The following NEDD4L variants were observed in gnomAD, a reference collection of about 807,000 sequenced individuals.
NEDD4L encodes E3 ubiquitin-protein ligase NEDD4-like.
NEDD4L carries 54 observed loss-of-function variants against 148.9 expected under a neutral mutation model. The observed-to-expected ratio is 0.36, with a 90% CI of 0.29 to 0.45. The LOEUF (loss-of-function observed/expected upper bound fraction) is 0.45. Ranked by LOEUF, NEDD4L falls within the 20% of genes least tolerant of loss-of-function variation. The pLI, the probability that NEDD4L is intolerant of heterozygous loss-of-function variation, is 1.00. For missense variants in NEDD4L, 856 were observed against 1,233.8 expected (o/e 0.69, Z 4.59); for synonymous variants, 433 against 440.7 (o/e 0.98, Z 0.22).
rs571268309 is a variant in NEDD4L at position 58,343,839 on chromosome 18, G to C, written c.1575+736G>C. Among the ~76,000 whole-genome samples the C allele has an allele frequency of 2.6e-4, 40 of 152,128 alleles. 1 individual carries two copies. The highest frequency in any genetic ancestry group is 2.6e-3 in the Admixed American group (40 of 15,276). On this transcript the variant is annotated intron_variant, in intron 16 of 30. Transcript: ENST00000400345. ...TAGCCGAATCGGTGGCTTTTTCAGT[G>C]TAGTATATGATTCTTTTAAAAGTCA...
intron 6 of NEDD4L, among the ~76,000 whole-genome samples, chr18:58,321,580 T>C (rs2058776488): frequency 6.6e-6 from 1 of 152,214 alleles, no homozygotes; most frequent in Non-Finnish European, 1.5e-5. Context: ...AAGCAGAGAA[T>C]GACATAAACA....
At chr18:58,318,116 A>G (rs7228829) in intron 6 of NEDD4L, among the ~76,000 whole-genome samples, 29,776 of 152,124 alleles carry the variant, frequency 0.2, 3,084 homozygotes, top group African/African-American at 0.21. Context: ...GCACACAGGT[A>G]TGAGTGTGGA....
Position 58,064,647 on chromosome 18 carries a change from G to A in NEDD4L, c.48+19939G>A, listed in dbSNP as rs537287708. Among the ~76,000 whole-genome samples, 175 of 152,300 alleles carry A rather than the reference G, an allele frequency of 1.1e-3. 1 individual carries two copies. The highest frequency in any genetic ancestry group is 2.1e-3 in the Non-Finnish European group (141 of 68,020). ...CTGGAGACACAGCAGAACTACTGTT[G>A]TCATCTTGATCCTGAATACAAGGGC... On this transcript the variant is annotated intron_variant, in intron 1 of 30. Coordinates refer to ENST00000400345, the MANE Select transcript of NEDD4L (RefSeq NM_001144967.3).
chr18:58,398,407 C>G lies in NEDD4L; in HGVS notation c.*2138C>G, dbSNP rs1282061893. On this transcript the variant is annotated 3_prime_UTR_variant, in exon 31 of 31. Transcript: ENST00000400345. ...TGTAGAGGGAGAAATCCAATTCTAA[C>G]CTAAGAACTGGGATTCTTCTGTCAT... The G allele has an allele frequency of 6.6e-6, 1 of 151,780 alleles. No individual in the cohort carries two copies. Among genetic ancestry groups the G allele is most frequent in the Non-Finnish European group, 1.5e-5 (1 of 67,966 alleles). 9.4% of individuals were successfully genotyped at this position (151,780 alleles called of 1,614,324 possible).
At chr18:58,092,818 CAAA>C (rs56749032) in intron 1 of NEDD4L, among the ~76,000 whole-genome samples, 3 of 112,626 alleles carry the variant, frequency 2.7e-5, no homozygotes, top group African/African-American at 3.0e-5. Flanking sequence ...TCCCTGGTAC[CAAA>C]AAAAAAAAAA....
At chr18:58,259,509 C>A (rs955074737) in intron 5 of NEDD4L, among the ~76,000 whole-genome samples, 10 of 152,128 alleles carry the variant, frequency 6.6e-5, no homozygotes, top group African/African-American at 2.4e-4. Flanking sequence ...CACCATTTAC[C>A]AGCATTTGTG....
At chr18:58,369,368 A>T (rs942352811) in intron 22 of NEDD4L, among the ~76,000 whole-genome samples, 11 of 152,320 alleles carry the variant, frequency 7.2e-5, no homozygotes, top group Middle Eastern at 3.4e-3. Context: ...GGAATTGCAC[A>T]TTTAAGAGTC....
chr18:58,244,701 G>T (rs1032411098), intron 2 of NEDD4L, among the ~76,000 whole-genome samples: 3 of 151,576 alleles, frequency 2.0e-5, no homozygotes, highest in Admixed American at 6.6e-5. Flanking sequence ...CTTTTTTTTG[G>T]GGGGAGGGTG....
intron 1 of NEDD4L, among the ~76,000 whole-genome samples, chr18:58,162,700 G>A (rs967343830): frequency 6.6e-6 from 1 of 151,494 alleles, no homozygotes; most frequent in Non-Finnish European, 1.5e-5. Context: ...CACGTGATGG[G>A]TACTCAGTAA....
At chr18:58,367,720 GCTTTT>G (rs762366469) in intron 21 of NEDD4L, 21 bp from the exon 22 acceptor site, 18 of 1,612,228 alleles carry the variant, frequency 1.1e-5, no homozygotes, top group Non-Finnish European at 1.4e-5. Context: ...GTGTGATTGG[GCTTTT>G]CTTCTCTTTC....
intron 5 of NEDD4L, among the ~76,000 whole-genome samples, chr18:58,280,143 A>G (rs961393965): frequency 1.3e-5 from 2 of 152,138 alleles, no homozygotes; most frequent in African/African-American, 4.8e-5. Context: ...CCTGGGCTCA[A>G]GTGATCCTTC....
chr18:58,370,901 A>T (rs1283010680), intron 23 of NEDD4L, among the ~76,000 whole-genome samples: 1 of 152,254 alleles, frequency 6.6e-6, no homozygotes, highest in African/African-American at 2.4e-5. Flanking sequence ...CAGACGTCCT[A>T]GACATGGATG....
At chr18:58,278,275 G>A (rs2052463247) in intron 5 of NEDD4L, among the ~76,000 whole-genome samples, 1 of 152,146 alleles carries the variant, frequency 6.6e-6, no homozygotes, top group African/African-American at 2.4e-5. Flanking sequence ...CTTCAGCATG[G>A]CCAGCGCTAT....
chr18:58,211,123 A>AAC (rs2042564735), intron 2 of NEDD4L, among the ~76,000 whole-genome samples: 1 of 152,148 alleles, frequency 6.6e-6, no homozygotes, highest in African/African-American at 2.4e-5. Flanking sequence ...TGTGTACACA[A>AAC]ACACACACAC....
chr18:58,257,339 C>T (rs1411611169), intron 5 of NEDD4L, among the ~76,000 whole-genome samples: 1 of 151,970 alleles, frequency 6.6e-6, no homozygotes, highest in Non-Finnish European at 1.5e-5. Context: ...ATATAATTTG[C>T]TTTGTTTTTT....
intron 5 of NEDD4L, among the ~76,000 whole-genome samples, chr18:58,291,894 C>A (rs1439358685): frequency 6.6e-6 from 1 of 152,160 alleles, no homozygotes; most frequent in East Asian, 1.9e-4. Flanking sequence ...CACCCCCTTC[C>A]CAAACATTTA....
chr18:58,295,076 G>C (rs927026467), intron 5 of NEDD4L, among the ~76,000 whole-genome samples: 7 of 152,084 alleles, frequency 4.6e-5, no homozygotes, highest in Non-Finnish European at 1.5e-5. Flanking sequence ...CCACCAGAGT[G>C]GTATGTTTGT....
Position 58,396,200 on chromosome 18 carries a change from C to T in NEDD4L, c.2859C>T (p.Thr953=), listed in dbSNP as rs1300910215. The change falls in exon 31 of 31, where the codon ACC becomes ACT. Residue 953 remains threonine, a synonymous_variant. Coordinates refer to ENST00000400345, the MANE Select transcript of NEDD4L (RefSeq NM_001144967.3). ...GCCTTGACTTACCTCCATATGAAAC[C>T]TTTGAAGATTTACGAGAGAAACTTC... is the stretch of plus-strand genomic sequence containing the variant. ...FNRLDLPPYE[T]FEDLREKLLM... is the part of the protein sequence containing the mutation. The T allele has an allele frequency of 1.9e-6, 3 of 1,613,608 alleles. No individual in the cohort carries two copies. Among genetic ancestry groups the T allele is most frequent in the Non-Finnish European group, 2.5e-6 (3 of 1,179,690 alleles).
chr18:58,280,668 G>A (rs1862501788), intron 5 of NEDD4L, among the ~76,000 whole-genome samples: 1 of 152,154 alleles, frequency 6.6e-6, no homozygotes, highest in South Asian at 2.1e-4. Flanking sequence ...CAGGGAAGCA[G>A]TATTGTGGGG....
Sources: gnomAD v4.1 joint callset for allele counts (sites outside exome capture counted in the v4.1 genomes callset) on GRCh38, gnomAD v4.1.1 for gene constraint, MANE v1.5 for transcripts, NCBI Gene and HGNC (gene_info 2026-07-23, HGNC 2026-07-21) for gene names.